Variants in GRAMD1B observed in about 807,000 individuals in gnomAD.
The protein encoded by GRAMD1B is GRAM domain containing 1B.
Under a neutral mutation model 99.7 loss-of-function variants are expected in GRAMD1B, and 37 were observed. The observed-to-expected ratio is 0.37, with a 90% CI of 0.29 to 0.49. GRAMD1B has a LOEUF of 0.49. Among genes scored for constraint, GRAMD1B ranks in the 20% least tolerant of loss-of-function variants. GRAMD1B has a pLI of 0.98. For synonymous variants in GRAMD1B, 427 were observed against 387.6 expected (o/e 1.10, Z -1.19); for missense variants, 888 against 1,009.2 (o/e 0.88, Z 1.63).
At chr11:123,594,901 G>C in intron 6 of GRAMD1B, 63 bp downstream of exon 6, 2 of 843,684 alleles carry the variant, frequency 2.4e-6, no homozygotes, top group South Asian at 2.7e-5. Context: ...AGCTGCCCTC[G>C]CTTTCTTCCT....
At chr11:123,600,861 G>A (rs1196152717) in intron 8 of GRAMD1B, among the ~76,000 whole-genome samples, 1 of 152,188 alleles carries the variant, frequency 6.6e-6, no homozygotes, top group African/African-American at 2.4e-5. Flanking sequence ...AGGAAGCACA[G>A]CAGGATGAGG....
At chr11:123,371,786 C>T (rs1946537236) in intron 1 of GRAMD1B, among the ~76,000 whole-genome samples, 1 of 152,174 alleles carries the variant, frequency 6.6e-6, no homozygotes, top group Admixed American at 6.5e-5. Flanking sequence ...TCTGGCTTGT[C>T]TTGCTAGAGT....
At chr11:123,529,187 G>A (rs1389546686) in intron 2 of GRAMD1B, among the ~76,000 whole-genome samples, 1 of 152,126 alleles carries the variant, frequency 6.6e-6, no homozygotes, top group African/African-American at 2.4e-5. Context: ...ATGTGTACAC[G>A]CAAGTCAGTA....
rs571932895 is a variant in GRAMD1B, at chr11:123,413,964, C to T, written c.-176+55165C>T. The stretch of plus-strand genomic sequence containing the variant: ...TATTCAAGGTTGTCTAATGAAAACA[C>T]GTGGCTATTATCTGTACAGTGGATG... On this transcript the variant is annotated intron_variant, in intron 1 of 20. Transcript: ENST00000638157. 5.9e-5 allele frequency among the ~76,000 whole-genome samples: 9 copies of T among 152,066 alleles called. No individual in the cohort carries two copies. In the East Asian group the frequency reaches 1.5e-3, roughly 26 times the overall value.
At chr11:123,567,626 C>G (rs1947533955) in intron 2 of GRAMD1B, among the ~76,000 whole-genome samples, 1 of 152,106 alleles carries the variant, frequency 6.6e-6, no homozygotes, top group South Asian at 2.1e-4. Context: ...GCCTTGTCTC[C>G]ATGGAAATGA....
intron 2 of GRAMD1B, among the ~76,000 whole-genome samples, chr11:123,576,318 G>T (rs966729617): frequency 6.6e-6 from 1 of 152,208 alleles, no homozygotes; most frequent in Non-Finnish European, 1.5e-5. Context: ...TGCTGAGCAG[G>T]TGGGCAGGAC....
intron 1 of GRAMD1B, among the ~76,000 whole-genome samples, chr11:123,366,280 G>A (rs531771997): frequency 3.8e-4 from 58 of 152,368 alleles, no homozygotes; most frequent in African/African-American, 1.4e-3. Flanking sequence ...TTGTCGAAAA[G>A]CAGGAACAAG....
intron 2 of GRAMD1B, among the ~76,000 whole-genome samples, chr11:123,533,082 G>A (rs1440149690): frequency 6.6e-6 from 1 of 152,188 alleles, no homozygotes; most frequent in Non-Finnish European, 1.5e-5. Flanking sequence ...CGATTCTCCT[G>A]CCTCAGCCTC....
chr11:123,461,622 G>T (rs1950417027), intron 1 of GRAMD1B, among the ~76,000 whole-genome samples: 1 of 152,156 alleles, frequency 6.6e-6, no homozygotes, highest in African/African-American at 2.4e-5. Flanking sequence ...GTTTTGTTTT[G>T]AGACAGAGTT....
chr11:123,566,967 T>C (rs1947463936), intron 2 of GRAMD1B, among the ~76,000 whole-genome samples: 1 of 152,122 alleles, frequency 6.6e-6, no homozygotes, highest in African/African-American at 2.4e-5. Flanking sequence ...TTTCCGCTCC[T>C]ATAAGGGCAG....
chr11:123,360,088 T>C (rs1429226519), intron 1 of GRAMD1B, among the ~76,000 whole-genome samples: 1 of 152,160 alleles, frequency 6.6e-6, no homozygotes, highest in Non-Finnish European at 1.5e-5. Flanking sequence ...CCTAAGCTGA[T>C]ATAGAATCTC....
chr11:123,618,901 C>T (rs1190814753), intron 18 of GRAMD1B, 101 bp downstream of exon 18: 3 of 749,158 alleles, frequency 4.0e-6, no homozygotes, highest in Admixed American at 2.0e-5. Flanking sequence ...CCTTCCCCAT[C>T]CCTCTGGGAT....
At chr11:123,411,805 G>A (rs1017889314) in intron 1 of GRAMD1B, among the ~76,000 whole-genome samples, 3 of 152,020 alleles carry the variant, frequency 2.0e-5, no homozygotes, top group South Asian at 2.1e-4. Context: ...GCACCACCAT[G>A]CTTGGGTAAT....
chr11:123,442,996 G>A (rs1001294124), intron 1 of GRAMD1B, among the ~76,000 whole-genome samples: 2 of 152,154 alleles, frequency 1.3e-5, no homozygotes, highest in Non-Finnish European at 1.5e-5. Context: ...GTTTTGGTGG[G>A]TTTTAGCCGG....
chr11:123,495,820 A>G (rs1006096465), intron 2 of GRAMD1B, among the ~76,000 whole-genome samples: 3 of 152,076 alleles, frequency 2.0e-5, no homozygotes, highest in Admixed American at 2.0e-4. Context: ...CACTGATTGC[A>G]TAAACAAACT....
chr11:123,411,321 G>A (rs147227484), intron 1 of GRAMD1B, among the ~76,000 whole-genome samples: 1 of 152,136 alleles, frequency 6.6e-6, no homozygotes, highest in South Asian at 2.1e-4. Context: ...TTCTTTAGTA[G>A]GTTATGTGTT....
intron 1 of GRAMD1B, among the ~76,000 whole-genome samples, chr11:123,378,833 T>C (rs967882411): frequency 5.3e-5 from 8 of 152,240 alleles, no homozygotes; most frequent in Admixed American, 2.0e-4. Context: ...TTTTCATTAA[T>C]TTTTAAATTA....
intron 16 of GRAMD1B, among the ~76,000 whole-genome samples, chr11:123,614,129 A>G (rs1953996716): frequency 6.6e-6 from 1 of 152,062 alleles, no homozygotes; most frequent in Admixed American, 6.5e-5. Context: ...CTTCCCACCC[A>G]GCCATTCACA....
intron 2 of GRAMD1B, among the ~76,000 whole-genome samples, chr11:123,483,673 C>A (rs78399694): frequency 0.033 from 4,949 of 152,222 alleles, 239 homozygotes; most frequent in African/African-American, 0.1. Context: ...AGGCATTAGC[C>A]ACCACTGCAT....
Sources: gnomAD v4.1 joint callset for allele counts (sites outside exome capture counted in the v4.1 genomes callset) on GRCh38, gnomAD v4.1.1 for gene constraint, MANE v1.5 for transcripts, NCBI Gene and HGNC (gene_info 2026-07-23, HGNC 2026-07-21) for gene names.